Variants in ALG6 observed in about 807,000 individuals in gnomAD.
ALG6 encodes dolichyl pyrophosphate Man9GlcNAc2 alpha-1,3-glucosyltransferase.
Under a neutral mutation model 66.6 loss-of-function variants are expected in ALG6, and 46 were observed. That is an observed-to-expected ratio of 0.69 (90% CI 0.55 to 0.88). The LOEUF is 0.88. Among genes scored for constraint, ALG6 ranks in the 40% least tolerant of loss-of-function variants. ALG6 has a pLI of 0.00. For synonymous variants in ALG6, 185 were observed against 203.7 expected (o/e 0.91, Z 0.78); for missense variants, 505 against 586.8 (o/e 0.86, Z 1.44).
intron 11 of ALG6, among the ~76,000 whole-genome samples, chr1:63,416,882 G>GT (rs1644548335): frequency 6.6e-6 from 1 of 152,162 alleles, no homozygotes; most frequent in South Asian, 2.1e-4. Context: ...TCTGAAAACA[G>GT]TAAGTCCTAC....
intron 2 of ALG6, among the ~76,000 whole-genome samples, chr1:63,392,187 C>A (rs78838081): frequency 7.5e-6 from 1 of 133,164 alleles, no homozygotes; most frequent in Non-Finnish European, 1.6e-5. Context: ...TTTTTTTTTT[C>A]TTCAGACAAG....
intron 2 of ALG6, among the ~76,000 whole-genome samples, chr1:63,373,022 T>A (rs1404760992): frequency 6.6e-6 from 1 of 152,000 alleles, no homozygotes; most frequent in East Asian, 1.9e-4. Context: ...ACTTTTTTTT[T>A]TGGAGACAGG....
At chr1:63,422,262 G>GATATAAATATAT (rs1201693306) in intron 12 of ALG6, among the ~76,000 whole-genome samples, 1 of 31,020 alleles carries the variant, frequency 3.2e-5, no homozygotes, top group Non-Finnish European at 5.1e-5. Context: ...TATTTATATA[G>GATATAAATATAT]ATATAAATAT....
chr1:63,370,053 G>A (rs1444835337), intron 1 of ALG6, among the ~76,000 whole-genome samples: 2 of 151,886 alleles, frequency 1.3e-5, no homozygotes, highest in Admixed American at 1.3e-4. Flanking sequence ...CCTGACCTCA[G>A]GTGATCTGCC....
intron 12 of ALG6, among the ~76,000 whole-genome samples, chr1:63,421,469 T>G (rs567971381): frequency 6.6e-6 from 1 of 152,326 alleles, no homozygotes; most frequent in African/African-American, 2.4e-5. Context: ...ATCCCATTAC[T>G]GAGTATATAC....
rs11805615 is a variant in ALG6 at position 63,386,574 on chromosome 1, C to A, written c.83-9939C>A. On this transcript the variant is annotated intron_variant, in intron 2 of 14. Coordinates refer to ENST00000263440, the MANE Select transcript of ALG6 (RefSeq NM_013339.4). ...TACGTGTCTAGGAATTTATCAGTTT[C>A]TTCTAGGCTGTCCAGTTTTTTGGCA... is the stretch of plus-strand genomic sequence containing the variant. 6.6e-3 allele frequency among the ~76,000 whole-genome samples: 1,006 copies of A among 152,180 alleles called. 11 individuals are homozygous for A. Among genetic ancestry groups the A allele is most frequent in the African/African-American group, 0.023 (943 of 41,534 alleles).
chr1:63,389,403 T>C (rs1347709422), intron 2 of ALG6, among the ~76,000 whole-genome samples: 3 of 152,242 alleles, frequency 2.0e-5, no homozygotes, highest in Non-Finnish European at 2.9e-5. Context: ...CAATTGAATT[T>C]TTTAGCACCA....
chr1:63,398,368 T>A (rs1174356851), intron 3 of ALG6, among the ~76,000 whole-genome samples: 19 of 152,234 alleles, frequency 1.2e-4, no homozygotes, highest in Admixed American at 1.2e-3. Context: ...CACCAGGATA[T>A]CTCATTCTAC....
At chr1:63,415,988 T>G in intron 11 of ALG6, 31 bp downstream of exon 11, 1 of 1,435,428 alleles carries the variant, frequency 7.0e-7, no homozygotes, top group South Asian at 1.1e-5. Context: ...GATACTTAAT[T>G]CTTGCCACAA....
chr1:63,376,172 C>T (rs539801619), intron 2 of ALG6, among the ~76,000 whole-genome samples: 299 of 152,276 alleles, frequency 2.0e-3, no homozygotes, highest in African/African-American at 7.0e-3. Flanking sequence ...ACATTATAGC[C>T]TATTGCTCCT....
rs1157122124 is a variant in ALG6, at chr1:63,407,257, A to G, written c.494+131A>G. 4.5e-6 allele frequency: 3 copies of G among 672,468 alleles called. No homozygotes were observed. 41.7% of individuals were successfully genotyped at this position (672,468 alleles called of 1,614,324 possible). On this transcript the variant is annotated intron_variant, in intron 7 of 14. Coordinates refer to ENST00000263440, the MANE Select transcript of ALG6 (RefSeq NM_013339.4). The stretch of plus-strand genomic sequence containing the variant: ...CTTATATAAACTATTTCACAATAAT[A>G]TAAAAGAATCTCTTCACTAAGCTTT...
chr1:63,435,390 G>A (rs1043397371), intron 14 of ALG6, among the ~76,000 whole-genome samples: 3 of 152,090 alleles, frequency 2.0e-5, no homozygotes, highest in African/African-American at 7.2e-5. Context: ...TAACGACACT[G>A]GCAGCCTTTG....
At chr1:63,387,360 T>C (rs1648531426) in intron 2 of ALG6, among the ~76,000 whole-genome samples, 1 of 152,140 alleles carries the variant, frequency 6.6e-6, no homozygotes. Context: ...TGTCCAGTGC[T>C]GAAATTGACA....
At chr1:63,419,269 T>C in intron 11 of ALG6, 101 bp from the exon 12 acceptor site, 1 of 1,013,586 alleles carries the variant, frequency 9.9e-7, no homozygotes, top group Non-Finnish European at 1.5e-6. Context: ...TAATAAACTT[T>C]CAACTTTCAT....
chr1:63,419,294 A>T, intron 11 of ALG6, 76 bp from the exon 12 acceptor site: 1 of 1,197,314 alleles, frequency 8.4e-7, no homozygotes, highest in Admixed American at 1.9e-5. Flanking sequence ...AATGATTTTT[A>T]TTTAGATTCT....
chr1:63,436,760 A>G lies in ALG6; in HGVS notation c.1327-63A>G, dbSNP rs12023577. The G allele has an allele frequency of 0.06, 89,351 of 1,488,954 alleles. 3,434 individuals carry two copies. The highest frequency in any genetic ancestry group is 0.13 in the East Asian group (5,866 of 44,244). 92.2% of individuals were successfully genotyped at this position (1,488,954 alleles called of 1,614,324 possible). A position where few individuals can be genotyped will look rare whatever the true frequency, so the allele number is the denominator to read the frequency against. ...CTGCTCATTTAATAGCTACAAGTCA[A>G]TGTTTCCAGCACATTTAAATTTCAC... On this transcript the variant is annotated intron_variant, in intron 14 of 14. Coordinates refer to ENST00000263440, the MANE Select transcript of ALG6 (RefSeq NM_013339.4).
chr1:63,396,500 C>T lies in ALG6; in HGVS notation c.83-13C>T. The T allele has an allele frequency of 6.2e-7, 1 of 1,610,830 alleles. No homozygotes were observed. The highest frequency in any genetic ancestry group is 8.5e-7 in the Non-Finnish European group (1 of 1,177,208). On this transcript the variant is annotated splice_polypyrimidine_tract_variant and intron_variant, in intron 2 of 14. Transcript: ENST00000263440. ...GTACATTGTTGTTTTGCTCTTTTTA[C>T]CTTTGATCTTAGGTGCTGGTAAACC...
At chr1:63,392,671 C>T (rs1648707637) in intron 2 of ALG6, among the ~76,000 whole-genome samples, 1 of 152,124 alleles carries the variant, frequency 6.6e-6, no homozygotes, top group African/African-American at 2.4e-5. Context: ...GAGAATGAGA[C>T]AGAATTGAAG....
At chr1:63,422,530 A>G (rs888650026) in intron 12 of ALG6, among the ~76,000 whole-genome samples, 2 of 147,198 alleles carry the variant, frequency 1.4e-5, no homozygotes, top group African/African-American at 5.0e-5. Flanking sequence ...GTTGCATCAG[A>G]TGCTGCTTAT....
Sources: allele counts gnomAD v4.1 joint callset (sites outside exome capture counted in the v4.1 genomes callset), GRCh38; gene constraint gnomAD v4.1.1; transcripts MANE v1.5; gene names NCBI Gene and HGNC (gene_info 2026-07-23, HGNC 2026-07-21).